BCHE: variants seen among roughly 807,000 people sequenced by gnomAD.
BCHE encodes butyrylcholinesterase, also known as cholinesterase.
Under a neutral mutation model 51.3 loss-of-function variants are expected in BCHE, and 48 were observed. The observed-to-expected ratio is 0.94, with a 90% CI of 0.74 to 1.19. The LOEUF is 1.19. Among genes scored for constraint, BCHE ranks in the 50% most tolerant of loss-of-function variants. BCHE has a pLI of 0.00. For synonymous variants in BCHE, 251 were observed against 238.0 expected (o/e 1.05, Z -0.50); for missense variants, 847 against 708.2 (o/e 1.20, Z -2.23).
intron 3 of BCHE, among the ~76,000 whole-genome samples, chr3:165,778,040 G>A (rs1415338857): frequency 2.0e-5 from 3 of 152,018 alleles, no homozygotes; most frequent in African/African-American, 4.8e-5. Context: ...AATTTTGGGG[G>A]ATTCAAGAGT....
At chr3:165,791,259 C>A (rs2108206262) in intron 2 of BCHE, among the ~76,000 whole-genome samples, 1 of 151,608 alleles carries the variant, frequency 6.6e-6, no homozygotes, top group Non-Finnish European at 1.5e-5. Flanking sequence ...CACACCATGG[C>A]ACTGCAGACT....
intron 2 of BCHE, among the ~76,000 whole-genome samples, chr3:165,829,055 T>A (rs1454624912): frequency 6.6e-6 from 1 of 152,096 alleles, no homozygotes; most frequent in African/African-American, 2.4e-5. Context: ...TGCATCACCA[T>A]CATGTCCCTT....
At chr3:165,807,939 T>C (rs1027335025) in intron 2 of BCHE, among the ~76,000 whole-genome samples, 1 of 152,104 alleles carries the variant, frequency 6.6e-6, no homozygotes. Flanking sequence ...GAATTTCCTT[T>C]AATGGAAACT....
chr3:165,786,079 A>G lies in BCHE; in HGVS notation c.1684+66T>C, dbSNP rs1712933122. 3 of 1,527,726 alleles carry G rather than the reference A, an allele frequency of 2.0e-6. No homozygotes were observed. In the East Asian group the frequency reaches 6.8e-5, roughly 35 times the overall value. 94.6% of individuals were successfully genotyped at this position (1,527,726 alleles called of 1,614,324 possible). A position where few individuals can be genotyped will look rare whatever the true frequency, so the allele number is the denominator to read the frequency against. On this transcript the variant is annotated intron_variant, in intron 3 of 3. Transcript: ENST00000264381. ...ACTCCATCACCGTGCCTTGGAGAGT[A>G]TACTTCATCCCTTTTTTACATAACC...
chr3:165,813,064 A>G (rs1335225257), intron 2 of BCHE, among the ~76,000 whole-genome samples: 1 of 150,916 alleles, frequency 6.6e-6, no homozygotes, highest in Middle Eastern at 3.4e-3. Context: ...TTTTTTTCCT[A>G]TCAGGATAAT....
At chr3:165,791,507 A>C (rs1414400132) in intron 2 of BCHE, among the ~76,000 whole-genome samples, 1 of 152,202 alleles carries the variant, frequency 6.6e-6, no homozygotes, top group African/African-American at 2.4e-5. Flanking sequence ...TTGTAGGTAG[A>C]GCCATTACTT....
chr3:165,810,957 A>T (rs944389626), intron 2 of BCHE, among the ~76,000 whole-genome samples: 7 of 152,140 alleles, frequency 4.6e-5, no homozygotes, highest in African/African-American at 1.7e-4. Context: ...TACGTAGTGG[A>T]GTGAAGTATC....
intron 2 of BCHE, among the ~76,000 whole-genome samples, chr3:165,812,151 C>G (rs16849681): frequency 3.3e-5 from 5 of 151,800 alleles, no homozygotes; most frequent in African/African-American, 1.2e-4. Flanking sequence ...TATTTTAGTA[C>G]CAACTCTAAG....
chr3:165,827,739 T>C (rs2108233000), intron 2 of BCHE, among the ~76,000 whole-genome samples: 1 of 152,192 alleles, frequency 6.6e-6, no homozygotes, highest in South Asian at 2.1e-4. Flanking sequence ...GTAATATGGA[T>C]AAAGTCTTGA....
intron 1 of BCHE, among the ~76,000 whole-genome samples, chr3:165,831,819 T>C (rs1227847697): frequency 6.6e-6 from 1 of 152,172 alleles, no homozygotes; most frequent in African/African-American, 2.4e-5. Context: ...CTTTACCAGA[T>C]TTATAATGTC....
At chr3:165,808,526 T>C (rs942356195) in intron 2 of BCHE, among the ~76,000 whole-genome samples, 2 of 152,186 alleles carry the variant, frequency 1.3e-5, no homozygotes, top group African/African-American at 4.8e-5. Context: ...AAATGCTACA[T>C]AATCTATGAT....
At chr3:165,793,818 G>T (rs745998014) in intron 2 of BCHE, among the ~76,000 whole-genome samples, 10 of 152,036 alleles carry the variant, frequency 6.6e-5, no homozygotes, top group Non-Finnish European at 1.5e-4. Context: ...AGGCCAAGGC[G>T]GTGGATCACC....
Position 165,818,180 on chromosome 3 carries a change from T to C in BCHE, c.1517+11337A>G, listed in dbSNP as rs566691528. Reference sequence around the variant, plus strand: ...TTATGATCAAATTTATTTTTCACATTTTATATAAATACATAATTACAAAAT... The same window carrying C: ...TTATGATCAAATTTATTTTTCACATCTTATATAAATACATAATTACAAAAT... On this transcript the variant is annotated intron_variant, in intron 2 of 3. Coordinates refer to ENST00000264381, the MANE Select transcript of BCHE (RefSeq NM_000055.4). Among the ~76,000 whole-genome samples the C allele has an allele frequency of 2.7e-3, 406 of 151,990 alleles. 4 individuals are homozygous for C. Among genetic ancestry groups the C allele is most frequent in the African/African-American group, 9.3e-3 (386 of 41,498 alleles).
Position 165,829,635 on chromosome 3 carries a change from CA to C in BCHE, c.1398del (p.His466GlnfsTer26). On this transcript the variant is annotated frameshift_variant, in exon 2 of 4. Coordinates refer to ENST00000264381, the MANE Select transcript of BCHE (RefSeq NM_000055.4). LOFTEE classifies it high-confidence loss of function. Reference protein sequence around the residue: ...LPWPEWMGVMHGYEIEFVFGL... With the variant: ...LPWPEWMGVMXGYEIEFVFGL... ...CCAAAGACAAATTCAATTTCATAGCCATGCATCACTCCCATCCATTCTGGCC... is the reference window on the plus strand; with the variant it reads ...CCAAAGACAAATTCAATTTCATAGCCTGCATCACTCCCATCCATTCTGGCC... The C allele has an allele frequency of 6.2e-7, 1 of 1,613,796 alleles. No homozygotes were observed. Among genetic ancestry groups the C allele is most frequent in the Non-Finnish European group, 8.5e-7 (1 of 1,179,850 alleles).
rs1258280466 is a variant in BCHE at position 165,830,753 on chromosome 3, C to A, written c.281G>T (p.Cys94Phe). Residue 94 changes from cysteine to phenylalanine, a missense_variant, in exon 2 of 4, where the codon TGT becomes TTT. Coordinates refer to ENST00000264381, the MANE Select transcript of BCHE (RefSeq NM_000055.4). Reference protein sequence around the residue: ...WNATKYANSCCQNIDQSFPGF... With the variant: ...WNATKYANSCFQNIDQSFPGF... ...TGGAAAACTTTGATCTATGTTCTGA[C>A]AGCAAGAATTTGCATATTTTGTGGC... is the stretch of plus-strand genomic sequence containing the variant. The A allele has an allele frequency of 6.2e-7, 1 of 1,613,668 alleles. No individual in the cohort carries two copies. Among genetic ancestry groups the A allele is most frequent in the Non-Finnish European group, 8.5e-7 (1 of 1,179,884 alleles).
At chr3:165,786,499 A>G (rs1050072815) in intron 2 of BCHE, among the ~76,000 whole-genome samples, 188 bp from the exon 3 acceptor site, 1 of 151,870 alleles carries the variant, frequency 6.6e-6, no homozygotes, top group African/African-American at 2.4e-5. Context: ...CCACTATGTT[A>G]TTTAAAATTG....
chr3:165,777,673 T>C, intron 3 of BCHE: 1 of 363,166 alleles, frequency 2.8e-6, no homozygotes, highest in South Asian at 2.0e-5. Flanking sequence ...ATACACACAG[T>C]TGACCTTGAA....
In BCHE at chr3:165,830,679, C is replaced by A. The variant is rs137883811; in HGVS notation, c.355G>T (p.Asp119Tyr). The change falls in exon 2 of 4, where the codon GAC becomes TAC. Residue 119 changes from aspartate (D) to tyrosine (Y), a missense_variant. Transcript: ENST00000264381. ...ATCCATACATTTAGATATAAACAGT[C>A]TTCACTGAGGTCAGTGTTTGGGTTC... ...MWNPNTDLSEDCLYLNVWIPA... is the reference protein window; with the variant it reads ...MWNPNTDLSEYCLYLNVWIPA... 3.1e-6 allele frequency: 5 copies of A among 1,614,024 alleles called. No homozygotes were observed. Among genetic ancestry groups the A allele is most frequent in the East Asian group, 2.2e-5 (1 of 44,874 alleles).
intron 2 of BCHE, among the ~76,000 whole-genome samples, chr3:165,825,617 A>C (rs1029805789): frequency 6.6e-6 from 1 of 152,054 alleles, no homozygotes; most frequent in Non-Finnish European, 1.5e-5. Flanking sequence ...TTAGTTACAC[A>C]TGTATACATG....
Sources: gnomAD v4.1 joint callset for allele counts (sites outside exome capture counted in the v4.1 genomes callset) on GRCh38, gnomAD v4.1.1 for gene constraint, MANE v1.5 for transcripts, NCBI Gene and HGNC (gene_info 2026-07-23, HGNC 2026-07-21) for gene names.